The following ASAP1 variants were observed in gnomAD, a reference collection of about 807,000 sequenced individuals.
The protein encoded by ASAP1 is arf-GAP with SH3 domain, ANK repeat and PH domain-containing protein 1.
ASAP1 carries 43 observed loss-of-function variants against 145.2 expected under a neutral mutation model. The observed-to-expected ratio is 0.30, with a 90% CI of 0.23 to 0.38. The LOEUF is 0.38. Among genes scored for constraint, ASAP1 ranks in the 10% least tolerant of loss-of-function variants. The pLI is 1.00. For missense variants in ASAP1, 1,018 were observed against 1,355.3 expected, an observed-to-expected ratio of 0.75 and a Z score of 3.91; for synonymous variants, 546 against 515.5, an observed-to-expected ratio of 1.06 and a Z score of -0.80.
intron 2 of ASAP1, chr8:130,361,246 C>T (rs894733930): frequency 2.6e-5 from 5 of 193,240 alleles, no homozygotes; most frequent in African/African-American, 1.2e-4. Flanking sequence ...TCCAAGAGGC[C>T]CTGGGTTCCA....
chr8:130,222,675 T>C (rs1298687573), intron 4 of ASAP1, among the ~76,000 whole-genome samples: 4 of 152,186 alleles, frequency 2.6e-5, no homozygotes, highest in African/African-American at 9.7e-5. Context: ...GTAATAATAT[T>C]GACAAAGTAA....
At chr8:130,091,153 AT>A (rs377320798) in intron 25 of ASAP1, among the ~76,000 whole-genome samples, 68 of 152,336 alleles carry the variant, frequency 4.5e-4, no homozygotes, top group African/African-American at 1.5e-3. Flanking sequence ...TTCTCAAGTG[AT>A]TCCTGAATAT....
At chr8:130,288,417 C>A (rs965828273) in intron 3 of ASAP1, among the ~76,000 whole-genome samples, 3 of 152,054 alleles carry the variant, frequency 2.0e-5, no homozygotes, top group Non-Finnish European at 4.4e-5. Context: ...AGAATATAAA[C>A]CTCCCTGCAA....
At position 130,155,490 on chromosome 8, in the gene ASAP1, C is replaced by G. The variant is rs186294824; in HGVS notation, c.1011-2685G>C. Among the ~76,000 whole-genome samples the G allele has an allele frequency of 2.2e-4, 33 of 152,294 alleles. No individual in the cohort carries two copies. The East Asian group carries it at 5.8e-3, about 27-fold the overall frequency. On this transcript the variant is annotated intron_variant, in intron 12 of 29. Transcript: ENST00000518721. ...CAAGCGATACTCCCACCTCGGCCTCCTGAGTAGCTGGGCCTACAAGCATGT... is the reference window on the plus strand; with the variant it reads ...CAAGCGATACTCCCACCTCGGCCTCGTGAGTAGCTGGGCCTACAAGCATGT...
At chr8:130,230,170 T>C (rs1363692609) in intron 4 of ASAP1, among the ~76,000 whole-genome samples, 1 of 152,168 alleles carries the variant, frequency 6.6e-6, no homozygotes, top group African/African-American at 2.4e-5. Flanking sequence ...ACTTAATTTA[T>C]CATGATGTAC....
At chr8:130,229,962 G>T (rs1291912733) in intron 4 of ASAP1, among the ~76,000 whole-genome samples, 3 of 152,080 alleles carry the variant, frequency 2.0e-5, no homozygotes, top group African/African-American at 7.2e-5. Context: ...CTACTCGGGA[G>T]GCTGAGGAGG....
chr8:130,068,040 A>G (rs1204466217), intron 27 of ASAP1, among the ~76,000 whole-genome samples: 2 of 152,188 alleles, frequency 1.3e-5, no homozygotes, highest in East Asian at 1.9e-4. Context: ...TTGGATTCCT[A>G]TGTGGCCATG....
At chr8:130,272,115 G>C (rs1334946030) in intron 3 of ASAP1, among the ~76,000 whole-genome samples, 1 of 152,066 alleles carries the variant, frequency 6.6e-6, no homozygotes, top group Non-Finnish European at 1.5e-5. Flanking sequence ...AGTGAGGTGT[G>C]ATCACACCAC....
At chr8:130,353,806 G>A (rs758728497) in intron 3 of ASAP1, among the ~76,000 whole-genome samples, 11 of 152,212 alleles carry the variant, frequency 7.2e-5, no homozygotes, top group Non-Finnish European at 1.3e-4. Context: ...GGGAGGCAGA[G>A]GTTGCAGTGA....
intron 2 of ASAP1, among the ~76,000 whole-genome samples, chr8:130,388,873 A>C (rs577845035): frequency 6.6e-6 from 1 of 152,298 alleles, no homozygotes; most frequent in Non-Finnish European, 1.5e-5. Flanking sequence ...CACGGAGTAA[A>C]AGTGAAAACT....
intron 25 of ASAP1, among the ~76,000 whole-genome samples, chr8:130,087,293 G>T (rs1324682167): frequency 1.3e-5 from 2 of 152,176 alleles, no homozygotes; most frequent in Non-Finnish European, 2.9e-5. Flanking sequence ...GCCGAGATGG[G>T]TGGATCACTT....
chr8:130,212,511 T>C (rs1816649352), intron 5 of ASAP1, among the ~76,000 whole-genome samples: 1 of 152,138 alleles, frequency 6.6e-6, no homozygotes, highest in Admixed American at 6.5e-5. Flanking sequence ...GACAGAATGT[T>C]TGGGTTCAAG....
At chr8:130,436,924 T>C (rs1384615858) in intron 1 of ASAP1, among the ~76,000 whole-genome samples, 1 of 151,854 alleles carries the variant, frequency 6.6e-6, no homozygotes, top group Non-Finnish European at 1.5e-5. Flanking sequence ...CTGGCCAACA[T>C]GGTGAAACCC....
intron 29 of ASAP1, among the ~76,000 whole-genome samples, chr8:130,057,172 T>C (rs1429500901): frequency 2.0e-5 from 3 of 152,226 alleles, no homozygotes; most frequent in Non-Finnish European, 4.4e-5. Flanking sequence ...ACTTGTCAAC[T>C]GCTCAGCCTG....
intron 3 of ASAP1, among the ~76,000 whole-genome samples, chr8:130,278,769 T>C (rs896562415): frequency 6.6e-6 from 1 of 152,208 alleles, no homozygotes. Context: ...GGGGGAGCTG[T>C]TGTTTCTGGG....
intron 2 of ASAP1, among the ~76,000 whole-genome samples, chr8:130,366,903 T>TTTTTTTTTTTTTTTTTTTTG (rs1826981103): frequency 6.8e-6 from 1 of 146,504 alleles, no homozygotes; most frequent in African/African-American, 2.5e-5. Flanking sequence ...TTTTTTTTTT[T>TTTTTTTTTTTTTTTTTTTTG]TTTTTGAGAC....
chr8:130,394,539 T>C (rs1343008280), intron 2 of ASAP1, among the ~76,000 whole-genome samples: 2 of 152,198 alleles, frequency 1.3e-5, no homozygotes, highest in Non-Finnish European at 2.9e-5. Context: ...CCTGCCTCCA[T>C]TTGCCTTGTG....
At chr8:130,333,102 A>G in intron 3 of ASAP1, among the ~76,000 whole-genome samples, 1 of 152,194 alleles carries the variant, frequency 6.6e-6, no homozygotes, top group East Asian at 1.9e-4. Context: ...AGTAGCTCTC[A>G]AAACTCAAGG....
chr8:130,236,894 T>G (rs1369784449), intron 4 of ASAP1, 28 bp downstream of exon 4: 2 of 1,443,846 alleles, frequency 1.4e-6, no homozygotes. Flanking sequence ...TTATAATTCA[T>G]GTTACCTCAT....
Sources: allele counts gnomAD v4.1 joint callset (sites outside exome capture counted in the v4.1 genomes callset), GRCh38; gene constraint gnomAD v4.1.1; transcripts MANE v1.5; gene names NCBI Gene and HGNC (gene_info 2026-07-23, HGNC 2026-07-21).